The following CABIN1 variants were observed in gnomAD, a reference collection of about 807,000 sequenced individuals.
CABIN1 encodes calcineurin binding protein 1, also known as calcineurin-binding protein cabin-1.
A neutral mutation model predicts 227.7 loss-of-function variants in CABIN1; 133 were observed. The observed-to-expected ratio is 0.58, with a 90% CI of 0.51 to 0.67. The LOEUF is 0.67. Ranked by LOEUF, CABIN1 falls within the 30% of genes least tolerant of loss-of-function variation. CABIN1 has a pLI of 0.00. For missense variants in CABIN1, 2,408 were observed against 2,852.5 expected (o/e 0.84, Z 3.55); for synonymous variants, 1,086 against 1,155.1 (o/e 0.94, Z 1.21).
At chr22:24,056,634 A>G (rs1308768972) in intron 10 of CABIN1, 1 of 456,496 alleles carries the variant, frequency 2.2e-6, no homozygotes, top group Non-Finnish European at 3.9e-6. Context: ...CTGTGTATTT[A>G]CAAGACATCT....
At chr22:24,160,606 G>A (rs1014408386) in intron 29 of CABIN1, among the ~76,000 whole-genome samples, 6 of 152,222 alleles carry the variant, frequency 3.9e-5, no homozygotes, top group Non-Finnish European at 5.9e-5. Flanking sequence ...TGAGTGAAAG[G>A]CTGTGTCTGG....
intron 19 of CABIN1, among the ~76,000 whole-genome samples, chr22:24,076,921 A>G (rs1271662388): frequency 2.0e-5 from 3 of 152,162 alleles, no homozygotes; most frequent in East Asian, 3.8e-4. Flanking sequence ...ATACCAAGAC[A>G]GGGACCTCAG....
intron 29 of CABIN1, among the ~76,000 whole-genome samples, chr22:24,159,267 C>G (rs2046013399): frequency 6.6e-6 from 1 of 152,242 alleles, no homozygotes; most frequent in Non-Finnish European, 1.5e-5. Flanking sequence ...GGCAGCTATT[C>G]CCGTTCAAGA....
intron 29 of CABIN1, chr22:24,156,025 G>A (rs1255318086): frequency 7.0e-6 from 4 of 572,894 alleles, no homozygotes; most frequent in Admixed American, 3.3e-5. Context: ...CGCGGCCATG[G>A]CCCGGCGCTC....
intron 34 of CABIN1, 53 bp downstream of exon 34, chr22:24,172,048 C>G: frequency 6.4e-7 from 1 of 1,574,294 alleles, no homozygotes; most frequent in Non-Finnish European, 8.6e-7. Flanking sequence ...ACCATCAAGT[C>G]CTCCCTGCGG....
At chr22:24,153,520 A>G (rs2037384880) in intron 29 of CABIN1, among the ~76,000 whole-genome samples, 1 of 152,076 alleles carries the variant, frequency 6.6e-6, no homozygotes, top group South Asian at 2.1e-4. Context: ...TTGTCATAGC[A>G]CTATCACATG....
At chr22:24,045,123 A>C (rs2037752091) in intron 6 of CABIN1, among the ~76,000 whole-genome samples, 1 of 152,134 alleles carries the variant, frequency 6.6e-6, no homozygotes, top group Non-Finnish European at 1.5e-5. Context: ...ACAGGGTTTC[A>C]CCGTGTTAGC....
intron 27 of CABIN1, 60 bp downstream of exon 27, chr22:24,113,808 A>C (rs1474375800): frequency 6.3e-7 from 1 of 1,589,366 alleles, no homozygotes; most frequent in Non-Finnish European, 8.6e-7. Context: ...AATCTGGGCA[A>C]AGCCGAAGGC....
chr22:24,085,004 A>C lies in CABIN1; in HGVS notation c.3118-2A>C. The C allele has an allele frequency of 6.2e-7, 1 of 1,614,190 alleles. No homozygotes were observed. Among genetic ancestry groups the C allele is most frequent in the Non-Finnish European group, 8.5e-7 (1 of 1,180,018 alleles). On this transcript the variant is annotated splice_acceptor_variant, in intron 21 of 36. Transcript: ENST00000263119. LOFTEE classifies it high-confidence loss of function. ...CCTCATACTTTTCCTCTCACCTGCC[A>C]GGTACCCTGCCTCCCAGAGGGGGCT...
At chr22:24,017,606 C>T (rs1389551381) in intron 1 of CABIN1, among the ~76,000 whole-genome samples, 1 of 152,162 alleles carries the variant, frequency 6.6e-6, no homozygotes, top group Non-Finnish European at 1.5e-5. Flanking sequence ...CTGGCTTATT[C>T]GACTTACTGT....
intron 27 of CABIN1, 37 bp downstream of exon 27, chr22:24,113,785 G>C: frequency 6.2e-7 from 1 of 1,609,534 alleles, no homozygotes; most frequent in South Asian, 1.1e-5. Context: ...GAACCACTTT[G>C]ATGTCCTGTG....
chr22:24,164,709 T>C, intron 30 of CABIN1, 146 bp downstream of exon 30: 2 of 988,170 alleles, frequency 2.0e-6, no homozygotes, highest in East Asian at 2.6e-5. Context: ...CTTGGGGGCC[T>C]CTCTGTCCCA....
Position 24,098,406 on chromosome 22 carries a change from C to T in CABIN1, c.4117+214C>T, listed in dbSNP as rs992718932. ...CAGGGTCGCCACCTGCCAGCTTGCC[C>T]ACCTGGGAGCCAGGGGAGGGGGCAG... On this transcript the variant is annotated intron_variant, in intron 26 of 36. Transcript: ENST00000263119. The T allele has an allele frequency of 9.0e-6, 9 of 1,002,142 alleles. 1 individual carries two copies. The highest frequency in any genetic ancestry group is 8.7e-5 in the Admixed American group (4 of 45,928). 62.1% of individuals were successfully genotyped at this position (1,002,142 alleles called of 1,614,324 possible).
intron 24 of CABIN1, among the ~76,000 whole-genome samples, chr22:24,094,001 G>A (rs2041720698): frequency 6.6e-6 from 1 of 152,324 alleles, no homozygotes; most frequent in African/African-American, 2.4e-5. Flanking sequence ...GCGCTCATTC[G>A]CGGCGTTGGA....
chr22:24,111,248 C>T (rs778897914), intron 26 of CABIN1, among the ~76,000 whole-genome samples: 5 of 152,200 alleles, frequency 3.3e-5, no homozygotes, highest in African/African-American at 1.2e-4. Flanking sequence ...AGAACACTTG[C>T]GTTAGCCTAC....
At chr22:24,111,984 T>C (rs1175262733) in intron 26 of CABIN1, among the ~76,000 whole-genome samples, 2 of 152,232 alleles carry the variant, frequency 1.3e-5, no homozygotes, top group Admixed American at 1.3e-4. Flanking sequence ...TGTCTCTTCA[T>C]GCATATTGTT....
intron 1 of CABIN1, among the ~76,000 whole-genome samples, chr22:24,015,438 G>A (rs1676522587): frequency 6.7e-6 from 1 of 150,304 alleles, no homozygotes; most frequent in African/African-American, 2.4e-5. Flanking sequence ...TCCGCCTCCC[G>A]GGTTCACGCC....
chr22:24,161,073 T>G (rs966460102), intron 29 of CABIN1, among the ~76,000 whole-genome samples: 1 of 152,162 alleles, frequency 6.6e-6, no homozygotes, highest in African/African-American at 2.4e-5. Flanking sequence ...TAGGCAGGGT[T>G]TGGTAACTTG....
intron 9 of CABIN1, 115 bp from the exon 10 acceptor site, chr22:24,056,077 T>C (rs2038771956): frequency 3.4e-6 from 3 of 887,164 alleles, no homozygotes; most frequent in African/African-American, 3.4e-5. Flanking sequence ...ATTTTTTGAA[T>C]GTCAAAGAGT....
Sources: gnomAD v4.1 joint callset for allele counts (sites outside exome capture counted in the v4.1 genomes callset) on GRCh38, gnomAD v4.1.1 for gene constraint, MANE v1.5 for transcripts, NCBI Gene and HGNC (gene_info 2026-07-23, HGNC 2026-07-21) for gene names.